The following PBRM1 variants were observed in gnomAD, a reference collection of about 807,000 sequenced individuals.
The protein encoded by PBRM1 is polybromo 1.
A neutral mutation model predicts 194.5 loss-of-function variants in PBRM1; 27 were observed. The observed-to-expected ratio is 0.14, with a 90% CI of 0.10 to 0.19. PBRM1 has a LOEUF of 0.19. Among genes scored for constraint, PBRM1 ranks in the 10% least tolerant of loss-of-function variants. The pLI, the probability that PBRM1 is intolerant of heterozygous loss-of-function variation, is 1.00. For missense variants in PBRM1, 1,466 were observed against 2,077.2 expected, an observed-to-expected ratio of 0.71 and a Z score of 5.72; for synonymous variants, 655 against 693.2, an observed-to-expected ratio of 0.94 and a Z score of 0.87.
At chr3:52,616,671 C>T (rs979502648) in intron 14 of PBRM1, among the ~76,000 whole-genome samples, 2 of 152,080 alleles carry the variant, frequency 1.3e-5, no homozygotes, top group Admixed American at 1.3e-4. Flanking sequence ...CCAGCCTGGG[C>T]GACAGAGCGA....
intron 3 of PBRM1, 87 bp from the exon 5 acceptor site, chr3:52,662,363 G>T: frequency 1.7e-6 from 2 of 1,151,364 alleles, no homozygotes; most frequent in Non-Finnish European, 2.4e-6. Context: ...TTTCAGCAAA[G>T]ACCAAAAATT....
chr3:52,632,799 T>C (rs2095664299), intron 11 of PBRM1, among the ~76,000 whole-genome samples: 2 of 151,678 alleles, frequency 1.3e-5, no homozygotes, highest in Admixed American at 1.3e-4. Flanking sequence ...GTTCAAGCAA[T>C]TCTCCTACCT....
intron 11 of PBRM1, among the ~76,000 whole-genome samples, chr3:52,629,986 G>A (rs554681826): frequency 1.3e-5 from 2 of 152,246 alleles, no homozygotes; most frequent in African/African-American, 4.8e-5. Flanking sequence ...CTGTGACAAA[G>A]CAAACAACAA....
exon 5 of PBRM1, chr3:52,658,233 A>G (rs760805870): frequency 6.2e-7 from 1 of 1,610,942 alleles, no homozygotes; most frequent in Admixed American, 1.7e-5. Context: ...AAGTTCGCTA[A>G]TGAGACGTCC....
chr3:52,586,489 T>C, exon 20 of PBRM1: 2 of 1,614,094 alleles, frequency 1.2e-6, no homozygotes, highest in South Asian at 1.1e-5. Flanking sequence ...CTTCTCATCA[T>C]CACCTTTATC....
intron 13 of PBRM1, among the ~76,000 whole-genome samples, 167 bp downstream of exon 14, chr3:52,627,106 C>CA (rs909167639): frequency 7.3e-5 from 11 of 149,862 alleles, no homozygotes; most frequent in East Asian, 3.9e-4. Flanking sequence ...GGCACTTTTA[C>CA]AAAAAAAAAG....
chr3:52,572,476 G>A (rs373062717), intron 22 of PBRM1, among the ~76,000 whole-genome samples: 5 of 152,140 alleles, frequency 3.3e-5, no homozygotes, highest in African/African-American at 1.2e-4. Flanking sequence ...AGGTTCTAGC[G>A]ATTCTCCTCC....
chr3:52,556,860 C>A (rs535001985), intron 26 of PBRM1, among the ~76,000 whole-genome samples: 69 of 152,068 alleles, frequency 4.5e-4, no homozygotes, highest in African/African-American at 1.5e-3. Context: ...TCTAGAGGGA[C>A]CACCTTCCTC....
At chr3:52,678,550 A>G (rs2097151659) in exon 2 of PBRM1, 1 of 1,613,786 alleles carries the variant, frequency 6.2e-7, no homozygotes, top group Non-Finnish European at 8.5e-7. Flanking sequence ...TGCCCTGTTC[A>G]TCCTTATAGT....
intron 8 of PBRM1, among the ~76,000 whole-genome samples, 192 bp from the exon 10 acceptor site, chr3:52,643,535 C>CT (rs1307272566): frequency 6.6e-6 from 1 of 152,198 alleles, no homozygotes; most frequent in Non-Finnish European, 1.5e-5. Flanking sequence ...AGGGCTGGTC[C>CT]TAGAGAGCTT....
At chr3:52,580,526 T>C (rs545547204) in intron 20 of PBRM1, among the ~76,000 whole-genome samples, 13 of 148,712 alleles carry the variant, frequency 8.7e-5, no homozygotes, top group Non-Finnish European at 1.6e-4. Flanking sequence ...GCCCAGCTAA[T>C]TTTTTTTTTG....
intron 2 of PBRM1, among the ~76,000 whole-genome samples, chr3:52,676,601 C>T (rs1192334482): frequency 2.6e-5 from 4 of 152,132 alleles, no homozygotes; most frequent in African/African-American, 7.2e-5. Flanking sequence ...GTGTGAAAAC[C>T]AACTGATACA....
At chr3:52,562,759 T>C (rs550827574) in intron 24 of PBRM1, among the ~76,000 whole-genome samples, 1 of 152,224 alleles carries the variant, frequency 6.6e-6, no homozygotes, top group South Asian at 2.1e-4. Flanking sequence ...CAATGTGGTC[T>C]TGAACTCCTG....
chr3:52,600,061 GCACATGTGA>G (rs2093881095), intron 17 of PBRM1, among the ~76,000 whole-genome samples: 1 of 151,988 alleles, frequency 6.6e-6, no homozygotes, highest in Non-Finnish European at 1.5e-5. Context: ...TATTTATGGG[GCACATGTGA>G]CACTTCGTTG....
At chr3:52,569,979 T>C (rs1426031511) in intron 22 of PBRM1, among the ~76,000 whole-genome samples, 2 of 152,340 alleles carry the variant, frequency 1.3e-5, no homozygotes, top group South Asian at 4.1e-4. Context: ...TTTCTTTTTT[T>C]GTTTTTTGTT....
chr3:52,631,398 T>C (rs1213093870), intron 11 of PBRM1, among the ~76,000 whole-genome samples: 5 of 152,228 alleles, frequency 3.3e-5, no homozygotes, highest in African/African-American at 9.6e-5. Flanking sequence ...GCCAGCCTTA[T>C]TTCCTAGAAT....
chr3:52,568,714 T>G (rs1282063162), intron 22 of PBRM1, among the ~76,000 whole-genome samples: 1 of 152,200 alleles, frequency 6.6e-6, no homozygotes. Flanking sequence ...AATACTTCTT[T>G]CCCCACTTAC....
intron 5 of PBRM1, among the ~76,000 whole-genome samples, chr3:52,654,625 A>AG (rs1245583834): frequency 1.3e-5 from 2 of 152,260 alleles, no homozygotes; most frequent in Admixed American, 1.3e-4. Flanking sequence ...GTGACCTTGA[A>AG]GGGGGAATGG....
intron 20 of PBRM1, among the ~76,000 whole-genome samples, chr3:52,582,639 T>C (rs187167481): frequency 1.1e-3 from 164 of 152,138 alleles, no homozygotes; most frequent in South Asian, 4.4e-3. Context: ...ATAATTCTGC[T>C]TTTAAAAGAA....
Sources: allele counts gnomAD v4.1 joint callset (sites outside exome capture counted in the v4.1 genomes callset), GRCh38; gene constraint gnomAD v4.1.1; transcripts MANE v1.5; gene names NCBI Gene and HGNC (gene_info 2026-07-23, HGNC 2026-07-21).